RNF216: variants seen among roughly 807,000 people sequenced by gnomAD.
RNF216 encodes ring finger protein 216.
RNF216 carries 72 observed loss-of-function variants against 110.8 expected under a neutral mutation model. That is an observed-to-expected ratio of 0.65 (90% CI 0.54 to 0.79). The LOEUF (loss-of-function observed/expected upper bound fraction) is 0.79, where lower values mean the gene tolerates loss of function less well. Ranked by LOEUF, RNF216 falls within the 30% of genes least tolerant of loss-of-function variation. The pLI, the probability that RNF216 is intolerant of heterozygous loss-of-function variation, is 0.00. For missense variants in RNF216, 1,342 were observed against 1,141.2 expected, an observed-to-expected ratio of 1.18 and a Z score of -2.54; for synonymous variants, 495 against 407.5, an observed-to-expected ratio of 1.21 and a Z score of -2.59.
intron 13 of RNF216, among the ~76,000 whole-genome samples, chr7:5,697,963 T>TATTTC (rs1167984327): frequency 1.3e-5 from 2 of 152,192 alleles, no homozygotes; most frequent in African/African-American, 2.4e-5. Flanking sequence ...AATTGTGATC[T>TATTTC]ATTTCACCCT....
chr7:5,730,672 G>GC (rs1794032914), intron 6 of RNF216, 43 bp downstream of exon 6: 1 of 1,597,624 alleles, frequency 6.3e-7, no homozygotes, highest in Non-Finnish European at 8.5e-7. Context: ...ACAAAGCACA[G>GC]CATTTCCAGG....
chr7:5,726,311 G>C (rs1793749062), intron 7 of RNF216, among the ~76,000 whole-genome samples: 1 of 152,100 alleles, frequency 6.6e-6, no homozygotes. Flanking sequence ...CCTTGAATAA[G>C]TACAGGTAAA....
At chr7:5,744,661 C>T (rs1175809388) in intron 3 of RNF216, among the ~76,000 whole-genome samples, 48 of 152,196 alleles carry the variant, frequency 3.2e-4, no homozygotes, top group East Asian at 3.9e-4. Flanking sequence ...AAACAAAAAA[C>T]AACCCTCGAA....
chr7:5,749,252 G>C (rs1256884241), intron 3 of RNF216, among the ~76,000 whole-genome samples: 2 of 151,072 alleles, frequency 1.3e-5, no homozygotes. Context: ...CTGGGTTTAA[G>C]CGATTCTACT....
At chr7:5,767,279 C>T (rs1796254500) in intron 1 of RNF216, among the ~76,000 whole-genome samples, 1 of 152,154 alleles carries the variant, frequency 6.6e-6, no homozygotes, top group South Asian at 2.1e-4. Context: ...ACACATTCAT[C>T]CTATATTTTT....
intron 5 of RNF216, 37 bp downstream of exon 5, chr7:5,739,230 TACCACCACC>T (rs746317006): frequency 4.0e-6 from 6 of 1,485,484 alleles, no homozygotes; most frequent in Non-Finnish European, 4.5e-6. Flanking sequence ...ACATATATTT[TACCACCACC>T]ACCACCACCA....
At chr7:5,729,772 A>T (rs1299821422) in intron 6 of RNF216, among the ~76,000 whole-genome samples, 176 bp from the exon 7 acceptor site, 1 of 152,232 alleles carries the variant, frequency 6.6e-6, no homozygotes, top group East Asian at 1.9e-4. Flanking sequence ...AGGTTAAACA[A>T]ACCTGTCTGG....
intron 13 of RNF216, among the ~76,000 whole-genome samples, chr7:5,706,809 T>C (rs146661715): frequency 2.2e-4 from 34 of 152,240 alleles, no homozygotes; most frequent in Non-Finnish European, 2.9e-5. Flanking sequence ...TTTTGTCACC[T>C]TGTTTTTGGT....
chr7:5,701,817 G>A (rs1231586170), intron 13 of RNF216, among the ~76,000 whole-genome samples: 1 of 152,148 alleles, frequency 6.6e-6, no homozygotes, highest in Non-Finnish European at 1.5e-5. Context: ...CACTTCTCAC[G>A]TAAGGGCTTC....
At chr7:5,737,105 A>T (rs1794465221) in intron 5 of RNF216, among the ~76,000 whole-genome samples, 1 of 152,256 alleles carries the variant, frequency 6.6e-6, no homozygotes, top group African/African-American at 2.4e-5. Flanking sequence ...GGGAAAAGAT[A>T]GAGAAATCAG....
Position 5,707,633 on chromosome 7 carries a change from G to A in RNF216, c.2061+4128C>T, listed in dbSNP as rs986724150. 2.7e-5 allele frequency among the ~76,000 whole-genome samples: 4 copies of A among 149,280 alleles called. No individual in the cohort carries two copies. In the South Asian group the frequency reaches 6.3e-4, roughly 24 times the overall value. On this transcript the variant is annotated intron_variant, in intron 13 of 16. Coordinates refer to ENST00000389902, the MANE Select transcript of RNF216 (RefSeq NM_207111.4). The stretch of plus-strand genomic sequence containing the variant: ...AATAGCTCTAGCTAGGGCTTCCAGT[G>A]TTATATAGCATGGAAGTGGTGACAG...
chr7:5,649,109 C>T (rs1303903837), intron 14 of RNF216, among the ~76,000 whole-genome samples: 6 of 152,144 alleles, frequency 3.9e-5, no homozygotes, highest in African/African-American at 4.8e-5. Flanking sequence ...CGGGCGGGCG[C>T]GGTGGCTCAC....
chr7:5,715,608 T>TG (rs72564339), intron 10 of RNF216, among the ~76,000 whole-genome samples: 6 of 44,924 alleles, frequency 1.3e-4, no homozygotes, highest in African/African-American at 2.2e-4. Context: ...TGTGAATGGG[T>TG]CTATCGAGGT....
In RNF216 at chr7:5,729,475, C is replaced by G; in HGVS notation, c.1346G>C (p.Trp449Ser). 2 of 1,614,118 alleles carry G rather than the reference C, an allele frequency of 1.2e-6. No individual in the cohort carries two copies. The highest frequency in any genetic ancestry group is 1.7e-6 in the Non-Finnish European group (2 of 1,180,020). Residue 449 changes from tryptophan (W) to serine (S), a missense_variant, in exon 7 of 17, where the codon TGG becomes TCG. Physicochemically the swap from Trp to Ser is radical, Grantham distance 177. Transcript: ENST00000389902. ...FKVLSSQDIK[W>S]ALHELKGHYA... Reference sequence around the variant, plus strand: ...GTGTCCTTTGAGCTCGTGCAGGGCCCACTTGATGTCCTGACTACTGAGCAC... The same window carrying G: ...GTGTCCTTTGAGCTCGTGCAGGGCCGACTTGATGTCCTGACTACTGAGCAC...
intron 13 of RNF216, among the ~76,000 whole-genome samples, chr7:5,684,238 G>A (rs532660572): frequency 1.1e-3 from 165 of 151,670 alleles, no homozygotes; most frequent in African/African-American, 3.8e-3. Flanking sequence ...GAGTAGTTAG[G>A]ACTACAGGCA....
chr7:5,703,700 T>G (rs1792112531), intron 13 of RNF216, among the ~76,000 whole-genome samples: 1 of 152,208 alleles, frequency 6.6e-6, no homozygotes, highest in African/African-American at 2.4e-5. Context: ...CACACACACA[T>G]TTGCAGTTTC....
chr7:5,760,622 C>A (rs1795884941), intron 2 of RNF216: 3 of 297,578 alleles, frequency 1.0e-5, no homozygotes, highest in South Asian at 9.8e-5. Context: ...AGAAATTAAG[C>A]ATCATGGGAA....
intron 13 of RNF216, among the ~76,000 whole-genome samples, chr7:5,665,836 C>G (rs1789474941): frequency 6.6e-6 from 1 of 151,960 alleles, no homozygotes; most frequent in Non-Finnish European, 1.5e-5. Context: ...TCAGCAACGC[C>G]TAGGCAATGG....
chr7:5,622,651 G>C lies in RNF216; in HGVS notation c.*209C>G. The C allele has an allele frequency of 1.8e-6, 1 of 571,348 alleles. No individual in the cohort carries two copies. The highest frequency in any genetic ancestry group is 3.2e-5 in the Admixed American group (1 of 31,730). 35.4% of individuals were successfully genotyped at this position (571,348 alleles called of 1,614,324 possible). On this transcript the variant is annotated 3_prime_UTR_variant, in exon 17 of 17. Coordinates refer to ENST00000389902, the MANE Select transcript of RNF216 (RefSeq NM_207111.4). ...GGCAGTTCACATCGCAGCTCTCTCC[G>C]AACTCCACCATTTGGGACGTCTTTA...
Sources: allele counts gnomAD v4.1 joint callset (sites outside exome capture counted in the v4.1 genomes callset), GRCh38; gene constraint gnomAD v4.1.1; transcripts MANE v1.5; gene names NCBI Gene and HGNC (gene_info 2026-07-23, HGNC 2026-07-21).